KCND2: variants seen among roughly 807,000 people sequenced by gnomAD.
The protein encoded by KCND2 is A-type voltage-gated potassium channel KCND2.
Under a neutral mutation model 54.4 loss-of-function variants are expected in KCND2, and 16 were observed. That is an observed-to-expected ratio of 0.29 (90% CI 0.20 to 0.45). The LOEUF is 0.45. Ranked by LOEUF, KCND2 falls within the 20% of genes least tolerant of loss-of-function variation. The pLI is 1.00. For missense variants in KCND2, 486 were observed against 824.2 expected, an observed-to-expected ratio of 0.59 and a Z score of 5.02; for synonymous variants, 317 against 310.7, an observed-to-expected ratio of 1.02 and a Z score of -0.21.
At chr7:120,647,000 A>G (rs1793450503) in intron 1 of KCND2, among the ~76,000 whole-genome samples, 1 of 152,208 alleles carries the variant, frequency 6.6e-6, no homozygotes, top group African/African-American at 2.4e-5. Context: ...CCTAAGCAAT[A>G]AAGAGTTCAC....
chr7:120,658,884 G>T (rs567508701), intron 1 of KCND2, among the ~76,000 whole-genome samples: 105 of 152,292 alleles, frequency 6.9e-4, no homozygotes, highest in African/African-American at 2.5e-3. Context: ...GGCACTGTGG[G>T]ATTGGTCTAT....
At chr7:120,336,718 A>AG (rs1271606111) in intron 1 of KCND2, among the ~76,000 whole-genome samples, 13 of 152,054 alleles carry the variant, frequency 8.5e-5, no homozygotes, top group East Asian at 7.7e-4. Context: ...AAAAGAGATG[A>AG]GAAAAAAAAA....
chr7:120,662,432 A>C lies in KCND2; in HGVS notation c.1116-70471A>C, dbSNP rs376089546. 2.0e-5 allele frequency among the ~76,000 whole-genome samples: 3 copies of C among 152,282 alleles called. No homozygotes were observed. The South Asian group carries it at 6.2e-4, about 32-fold the overall frequency. ...ACTAAGTCATATCTTATCCCAGCAT[A>C]TCTCTCAAATGAACAATACTTCAAT... On this transcript the variant is annotated intron_variant, in intron 1 of 5. Transcript: ENST00000331113.
chr7:120,457,346 C>T (rs1028388138), intron 1 of KCND2, among the ~76,000 whole-genome samples: 1 of 152,212 alleles, frequency 6.6e-6, no homozygotes, highest in Non-Finnish European at 1.5e-5. Context: ...TCCACTGCAT[C>T]ATCAGGCTGC....
chr7:120,485,747 G>A (rs541507162), intron 1 of KCND2, among the ~76,000 whole-genome samples: 33 of 152,092 alleles, frequency 2.2e-4, no homozygotes, highest in African/African-American at 7.2e-4. Flanking sequence ...TTCCTAATGG[G>A]TCTTATTTAT....
intron 2 of KCND2, among the ~76,000 whole-genome samples, chr7:120,733,660 A>G (rs1482280409): frequency 6.6e-6 from 1 of 152,100 alleles, no homozygotes; most frequent in South Asian, 2.1e-4. Flanking sequence ...GGTCACCAAG[A>G]TGTGTCTCAG....
chr7:120,295,366 ACACACACAC>A (rs1799495426), intron 1 of KCND2, among the ~76,000 whole-genome samples: 1 of 142,228 alleles, frequency 7.0e-6, no homozygotes, highest in Non-Finnish European at 1.5e-5. Flanking sequence ...ACACACACAC[ACACACACAC>A]ACACACACAC....
At chr7:120,609,473 G>C (rs919665034) in intron 1 of KCND2, among the ~76,000 whole-genome samples, 2 of 152,046 alleles carry the variant, frequency 1.3e-5, no homozygotes, top group Non-Finnish European at 2.9e-5. Flanking sequence ...ACCATCTTTG[G>C]GGAAGGCTAA....
At chr7:120,277,761 T>C (rs1799200070) in intron 1 of KCND2, among the ~76,000 whole-genome samples, 1 of 152,036 alleles carries the variant, frequency 6.6e-6, no homozygotes, top group Admixed American at 6.5e-5. Flanking sequence ...TGAGACAACA[T>C]TAAACATTAG....
intron 1 of KCND2, chr7:120,672,963 G>A (rs1792011320): frequency 6.6e-6 from 1 of 151,982 alleles, no homozygotes; most frequent in Admixed American, 6.5e-5. Context: ...TCTGTGAAGT[G>A]TCTCATATTA....
intron 1 of KCND2, among the ~76,000 whole-genome samples, chr7:120,483,364 A>G (rs1170465481): frequency 6.6e-6 from 1 of 152,228 alleles, no homozygotes. Flanking sequence ...GAAAAGCTCA[A>G]TAGGCAACTG....
intron 1 of KCND2, among the ~76,000 whole-genome samples, chr7:120,285,136 G>A (rs1445455885): frequency 6.6e-6 from 1 of 152,036 alleles, no homozygotes; most frequent in Non-Finnish European, 1.5e-5. Context: ...TCAATGATTT[G>A]TCATTGGGTT....
chr7:120,332,700 T>C (rs1007967266), intron 1 of KCND2, among the ~76,000 whole-genome samples: 6 of 152,080 alleles, frequency 3.9e-5, no homozygotes, highest in Non-Finnish European at 8.8e-5. Flanking sequence ...ATATGGGTTA[T>C]TGTACAAAAG....
chr7:120,275,509 C>T lies in KCND2; in HGVS notation c.877C>T (p.Arg293Ter), dbSNP rs1455305988. The T allele has an allele frequency of 6.2e-7, 1 of 1,611,972 alleles. No homozygotes were observed. The highest frequency in any genetic ancestry group is 1.3e-5 in the African/African-American group (1 of 74,580). The change falls in exon 1 of 6, where the codon CGA (arginine) becomes TGA (stop). Residue 293 changes from arginine (R) to a stop codon, truncating the protein, a stop_gained. Coordinates refer to ENST00000331113, the MANE Select transcript of KCND2 (RefSeq NM_012281.3). LOFTEE classifies it high-confidence loss of function. ...CGTCAGCGGAGCCTTTGTCACACTC[C>T]GAGTCTTCCGGGTCTTCAGGATCTT... ...EDVSGAFVTL[R>*]VFRVFRIFKF...
intron 1 of KCND2, among the ~76,000 whole-genome samples, chr7:120,674,182 G>T (rs745698921): frequency 6.6e-6 from 1 of 152,072 alleles, no homozygotes; most frequent in Admixed American, 6.5e-5. Flanking sequence ...GGGATTACAG[G>T]CATGAGCCAC....
intron 1 of KCND2, among the ~76,000 whole-genome samples, chr7:120,426,404 TTG>T (rs1473274177): frequency 6.6e-6 from 1 of 152,118 alleles, no homozygotes; most frequent in Admixed American, 6.5e-5. Context: ...GATTACATTT[TTG>T]TGTTTCCAAG....
chr7:120,649,213 T>C (rs1421187360), intron 1 of KCND2, among the ~76,000 whole-genome samples: 1 of 152,272 alleles, frequency 6.6e-6, no homozygotes, highest in Non-Finnish European at 1.5e-5. Flanking sequence ...TTGTTTTTTT[T>C]TTTCATTTCA....
At chr7:120,665,418 A>G (rs1001995270) in intron 1 of KCND2, among the ~76,000 whole-genome samples, 4 of 152,066 alleles carry the variant, frequency 2.6e-5, no homozygotes, top group Non-Finnish European at 5.9e-5. Flanking sequence ...TGATATATCA[A>G]TGCACTTTTC....
At chr7:120,294,351 T>G (rs945819003) in intron 1 of KCND2, among the ~76,000 whole-genome samples, 3 of 151,928 alleles carry the variant, frequency 2.0e-5, no homozygotes, top group Non-Finnish European at 4.4e-5. Context: ...TTATTGGTCA[T>G]GTCAGCAATA....
Sources: gnomAD v4.1 joint callset for allele counts (sites outside exome capture counted in the v4.1 genomes callset) on GRCh38, gnomAD v4.1.1 for gene constraint, MANE v1.5 for transcripts, NCBI Gene and HGNC (gene_info 2026-07-23, HGNC 2026-07-21) for gene names.